The following ZBP1 variants were observed in gnomAD, a reference collection of about 807,000 sequenced individuals.
The protein encoded by ZBP1 is Z-DNA binding protein 1.
In ZBP1, 42 loss-of-function variants were observed where a neutral mutation model predicts 41.1. The observed-to-expected ratio is 1.02, with a 90% CI of 0.80 to 1.32. The LOEUF (loss-of-function observed/expected upper bound fraction) is 1.32. Ranked by LOEUF, ZBP1 falls within the 40% of genes most tolerant of loss-of-function variation. The pLI, the probability that ZBP1 is intolerant of heterozygous loss-of-function variation, is 0.00. For missense variants in ZBP1, 562 were observed against 549.7 expected (o/e 1.02, Z -0.22); for synonymous variants, 214 against 205.2 (o/e 1.04, Z -0.37).
chr20:57,605,447 T>C (rs1338791051), intron 7 of ZBP1, among the ~76,000 whole-genome samples: 1 of 152,232 alleles, frequency 6.6e-6, no homozygotes, highest in Admixed American at 6.5e-5. Flanking sequence ...CTGTGACCAG[T>C]GATCTTTGAT....
Position 57,610,852 on chromosome 20 carries a change from C to T in ZBP1, c.875-485G>A, listed in dbSNP as rs2070646759. Among the ~76,000 whole-genome samples the T allele has an allele frequency of 6.6e-6, 1 of 151,914 alleles. No individual in the cohort carries two copies. The highest frequency in any genetic ancestry group is 1.5e-5 in the Non-Finnish European group (1 of 67,950). On this transcript the variant is annotated intron_variant, in intron 6 of 7. Coordinates refer to ENST00000371173, the MANE Select transcript of ZBP1 (RefSeq NM_030776.3). This position sits in a 1 kb window ranked among gnomAD's most constrained non-coding sequence, Gnocchi z 5.5. Reference sequence around the variant, plus strand: ...GAGACCTCTTCTGCTCCCTGGCCCCCAGAAACCACCCCCTCAAGGTTACCA... The same window carrying T: ...GAGACCTCTTCTGCTCCCTGGCCCCTAGAAACCACCCCCTCAAGGTTACCA...
chr20:57,613,219 G>C lies in ZBP1; in HGVS notation c.614C>G (p.Ala205Gly). 1 of 1,614,250 alleles carries C rather than the reference G, an allele frequency of 6.2e-7. No individual in the cohort carries two copies. The highest frequency in any genetic ancestry group is 8.5e-7 in the Non-Finnish European group (1 of 1,180,052). Residue 205 changes from alanine (A) to glycine (G), a missense_variant, in exon 5 of 8, where the codon GCC becomes GGC. Transcript: ENST00000371173. This position sits in a 1 kb window ranked among gnomAD's most constrained non-coding sequence, Gnocchi z 4.5. ...NSWISIANSEAIQIGHGNIIT... is the reference protein window; with the variant it reads ...NSWISIANSEGIQIGHGNIIT... ...GATGTTCCCGTGTCCAATCTGGATG[G>C]CTTCGGAGTTTGCAATGGAAATCCA... is the stretch of plus-strand genomic sequence containing the variant.
chr20:57,604,502 G>A lies in ZBP1; in HGVS notation c.*71C>T. 2 of 1,556,884 alleles carry A rather than the reference G, an allele frequency of 1.3e-6. No individual in the cohort carries two copies. The highest frequency in any genetic ancestry group is 1.8e-6 in the Non-Finnish European group (2 of 1,129,728). On this transcript the variant is annotated 3_prime_UTR_variant, in exon 8 of 8. Coordinates refer to ENST00000371173, the MANE Select transcript of ZBP1 (RefSeq NM_030776.3). ...CAAACAAGACGCTAAGGAATGCAGA[G>A]AGCAGCAGGCTAGTCTCCCTAGCAT...
chr20:57,614,944 T>C lies in ZBP1; in HGVS notation c.445A>G (p.Ser149Gly). 1 of 1,614,210 alleles carries C rather than the reference T, an allele frequency of 6.2e-7. No homozygotes were observed. Among genetic ancestry groups the C allele is most frequent in the Non-Finnish European group, 8.5e-7 (1 of 1,180,038 alleles). ...DVNRDLYRMK[S>G]RHLLDMDEQS... ...TCATCCATGTCCAGAAGGTGCCTGC[T>C]CTTCATCCTGTACAAGTCTCGGTTC... Residue 149 changes from serine (S) to glycine (G), a missense_variant, in exon 4 of 8, where the codon AGC becomes GGC. Coordinates refer to ENST00000371173, the MANE Select transcript of ZBP1 (RefSeq NM_030776.3).
intron 7 of ZBP1, among the ~76,000 whole-genome samples, chr20:57,608,599 A>G (rs1332835425): frequency 6.6e-6 from 1 of 152,238 alleles, no homozygotes; most frequent in Non-Finnish European, 1.5e-5. Context: ...GAGGTCTCAG[A>G]GACTCCCTTT....
rs1226392470 is a variant in ZBP1 at position 57,613,727 on chromosome 20, G to A, written c.503-397C>T. Among the ~76,000 whole-genome samples the A allele has an allele frequency of 2.0e-5, 3 of 152,224 alleles. No homozygotes were observed. Among genetic ancestry groups the A allele is most frequent in the Admixed American group, 6.5e-5 (1 of 15,282 alleles). The stretch of plus-strand genomic sequence containing the variant: ...AAACAGCAGCCCATTGGGCCAGATC[G>A]GTCGTGTTTGGCTCCCATGACATTT... On this transcript the variant is annotated intron_variant, in intron 4 of 7. Transcript: ENST00000371173. The surrounding 1 kb of genome is among the most constrained non-coding windows in gnomAD (Gnocchi z 4.5).
intron 5 of ZBP1, chr20:57,612,895 T>C: frequency 1.5e-6 from 2 of 1,334,146 alleles, no homozygotes; most frequent in Non-Finnish European, 1.9e-6. Flanking sequence ...CCCATCTTAA[T>C]TTTAAAATTT....
chr20:57,605,663 C>T (rs6025654), intron 7 of ZBP1, among the ~76,000 whole-genome samples: 82,981 of 152,034 alleles, frequency 0.55, 22,904 homozygotes, highest in East Asian at 0.67. Context: ...GGCCGGGCGC[C>T]GTGGGTCACA....
At position 57,610,218 on chromosome 20, in the gene ZBP1, T is replaced by C. The variant is rs756281072; in HGVS notation, c.1024A>G (p.Ile342Val). The C allele has an allele frequency of 1.5e-5, 25 of 1,614,176 alleles. No homozygotes were observed. The South Asian group carries it at 2.1e-4, about 13-fold the overall frequency. ...CCTGGGCCAGCCACCCCTGGGCTGA[T>C]AGACATTTTGTTGCTGTTGCCGATG... ...ATIGNSNKMS[I>V]SPGVAGPGGV... Residue 342 changes from isoleucine (I) to valine (V), a missense_variant, in exon 7 of 8, where the codon ATC becomes GTC. By Grantham distance (29) the Ile-to-Val change is conservative. Transcript: ENST00000371173. The surrounding 1 kb of genome is among the most constrained non-coding windows in gnomAD (Gnocchi z 5.5).
At chr20:57,612,564 G>A (rs2070702620) in intron 5 of ZBP1, among the ~76,000 whole-genome samples, 1 of 151,532 alleles carries the variant, frequency 6.6e-6, no homozygotes, top group African/African-American at 2.4e-5. Flanking sequence ...CGACTTTGGG[G>A]CTGATGCTGT....
intron 4 of ZBP1, among the ~76,000 whole-genome samples, chr20:57,614,483 C>G (rs147311690): frequency 1.3e-5 from 2 of 152,108 alleles, no homozygotes; most frequent in Non-Finnish European, 2.9e-5. Context: ...GCTGACCCTG[C>G]GCTGACCCTG....
intron 5 of ZBP1, 32 bp from the exon 6 acceptor site, chr20:57,611,962 A>G (rs746012803): frequency 6.5e-7 from 1 of 1,545,108 alleles, no homozygotes; most frequent in African/African-American, 1.4e-5. Context: ...GCCTCACCGG[A>G]GATTACTGCA....
intron 1 of ZBP1, 37 bp from the exon 2 acceptor site, chr20:57,616,505 G>T: frequency 6.2e-7 from 1 of 1,608,046 alleles, no homozygotes; most frequent in Non-Finnish European, 8.5e-7. Flanking sequence ...GGGGAACTGA[G>T]TCTCCCAGGT....
At chr20:57,605,058 C>T (rs955812071) in intron 7 of ZBP1, among the ~76,000 whole-genome samples, 7 of 152,130 alleles carry the variant, frequency 4.6e-5, no homozygotes, top group South Asian at 4.1e-4. Context: ...CCCCAAAAGA[C>T]GGCTCTACAT....
Position 57,613,303 on chromosome 20 carries a change from G to A in ZBP1, c.530C>T (p.Ala177Val). Residue 177 changes from alanine to valine, a missense_variant, in exon 5 of 8, where the codon GCC (alanine) becomes GTC (valine). Ala to Val is a moderately conservative substitution (Grantham distance 64). Transcript: ENST00000371173. This position sits in a 1 kb window ranked among gnomAD's most constrained non-coding sequence, Gnocchi z 4.5. ...TGGATTGTGCTGGTAAATAATTGAG[G>A]CTGACTTTGCTCTTCTTCCAGAATC... is the stretch of plus-strand genomic sequence containing the variant. ...PEDSGRRAKS[A>V]SIIYQHNPIN... 6.2e-7 allele frequency: 1 copy of A among 1,614,054 alleles called. No homozygotes were observed. Among genetic ancestry groups the A allele is most frequent in the Non-Finnish European group, 8.5e-7 (1 of 1,180,052 alleles).
rs76065517 is a variant in ZBP1 at position 57,608,435 on chromosome 20, T to C, written c.1093+1714A>G. 5.6e-5 allele frequency among the ~76,000 whole-genome samples: 7 copies of C among 123,964 alleles called. No individual in the cohort carries two copies. The East Asian group carries it at 2.0e-3, about 35-fold the overall frequency. The allele number at this position is 123,964 out of a possible 152,430, so 81.3% of individuals were successfully genotyped here. On this transcript the variant is annotated intron_variant, in intron 7 of 7. Transcript: ENST00000371173. ...CTACACCCAGAAGTGTGGCTATTTT[T>C]AAAAAACACAGTGCTGTGTTCTTTC...
chr20:57,611,823 T>G lies in ZBP1; in HGVS notation c.778A>C (p.Ile260Leu). ...TGTCCCAGCTGCACCCGTCTCAGTATGGACTGCTCCATGTGGATGTCCTGG... is the reference window on the plus strand; with the variant it reads ...TGTCCCAGCTGCACCCGTCTCAGTAGGGACTGCTCCATGTGGATGTCCTGG... ...GPQDIHMEQS[I>L]LRRVQLGHSN... The change falls in exon 6 of 8, where the codon ATA becomes CTA. Residue 260 changes from isoleucine (I) to leucine (L), a missense_variant. Coordinates refer to ENST00000371173, the MANE Select transcript of ZBP1 (RefSeq NM_030776.3). The G allele has an allele frequency of 6.2e-7, 1 of 1,610,280 alleles. No individual in the cohort carries two copies. Among genetic ancestry groups the G allele is most frequent in the Non-Finnish European group, 8.5e-7 (1 of 1,178,494 alleles).
At position 57,604,471 on chromosome 20, in the gene ZBP1, G is replaced by A; in HGVS notation, c.*102C>T. On this transcript the variant is annotated 3_prime_UTR_variant, in exon 8 of 8. Transcript: ENST00000371173. The stretch of plus-strand genomic sequence containing the variant: ...TCATGCAGGTTATGTCTGGAAGCAA[G>A]CAGGTCAAACAAGACGCTAAGGAAT... 1 of 1,416,722 alleles carries A rather than the reference G, an allele frequency of 7.1e-7. No individual in the cohort carries two copies. Among genetic ancestry groups the A allele is most frequent in the Non-Finnish European group, 9.9e-7 (1 of 1,005,162 alleles). 87.8% of individuals were successfully genotyped at this position (1,416,722 alleles called of 1,614,324 possible).
At chr20:57,609,743 C>G (rs1424316179) in intron 7 of ZBP1, among the ~76,000 whole-genome samples, 1 of 152,096 alleles carries the variant, frequency 6.6e-6, no homozygotes, top group African/African-American at 2.4e-5. Context: ...GCATGGCAAC[C>G]CAGCACCTCT....
Sources: allele counts gnomAD v4.1 joint callset (sites outside exome capture counted in the v4.1 genomes callset), GRCh38; gene constraint gnomAD v4.1.1; non-coding constraint Gnocchi (gnomAD v3.1); transcripts MANE v1.5; gene names NCBI Gene and HGNC (gene_info 2026-07-23, HGNC 2026-07-21).